Variants in SYNGR4 observed in about 807,000 individuals in gnomAD.
The protein encoded by SYNGR4 is synaptogyrin-4.
SYNGR4 carries 15 observed loss-of-function variants against 15.5 expected under a neutral mutation model. That is an observed-to-expected ratio of 0.97 (90% confidence interval 0.65 to 1.49). The LOEUF is 1.49. SYNGR4 is among the 40% of genes most tolerant of loss of function. The pLI is 0.00. For synonymous variants in SYNGR4, 121 were observed against 127.4 expected, an observed-to-expected ratio of 0.95 and a Z score of 0.34; for missense variants, 292 against 299.3, an observed-to-expected ratio of 0.98 and a Z score of 0.18.
At chr19:48,371,933 G>A (rs1970314413) in intron 2 of SYNGR4, among the ~76,000 whole-genome samples, 1 of 151,420 alleles carries the variant, frequency 6.6e-6, no homozygotes, top group Non-Finnish European at 1.5e-5. Flanking sequence ...CGGCTGGAGT[G>A]CAGTGGCATG....
At position 48,375,772 on chromosome 19, in the gene SYNGR4, C is replaced by A; in HGVS notation, c.471+20C>A. ...GTCTGGGTGAGGACAAGCCCCTCCA[C>A]CACCCCTCCCTAGGAGGGCACCCTC... On this transcript the variant is annotated intron_variant, in intron 4 of 4. Coordinates refer to ENST00000344846, the MANE Select transcript of SYNGR4 (RefSeq NM_012451.4). 6.2e-7 allele frequency: 1 copy of A among 1,605,422 alleles called. No individual in the cohort carries two copies. The highest frequency in any genetic ancestry group is 8.5e-7 in the Non-Finnish European group (1 of 1,173,510).
intron 2 of SYNGR4, chr19:48,373,154 G>C (rs1320200919): frequency 4.1e-6 from 1 of 244,094 alleles, no homozygotes; most frequent in Non-Finnish European, 8.2e-6. Context: ...CCAGGCTTCA[G>C]GGCTGGGACT....
chr19:48,365,968 G>A, intron 2 of SYNGR4, 33 bp downstream of exon 2: 1 of 1,609,290 alleles, frequency 6.2e-7, no homozygotes. Context: ...CTGTGCCCCT[G>A]GGTGACAGGA....
chr19:48,372,300 C>T (rs1334467534), intron 2 of SYNGR4, among the ~76,000 whole-genome samples: 1 of 152,098 alleles, frequency 6.6e-6, no homozygotes, highest in East Asian at 1.9e-4. Flanking sequence ...TAAGGATGAC[C>T]TGGGTGAGTG....
intron 2 of SYNGR4, among the ~76,000 whole-genome samples, chr19:48,371,158 A>G (rs1970298757): frequency 1.3e-5 from 2 of 152,102 alleles, no homozygotes; most frequent in African/African-American, 4.8e-5. Context: ...TTATCTCTGA[A>G]ACTGCCCGCT....
At chr19:48,370,482 CA>C (rs1294074791) in intron 2 of SYNGR4, among the ~76,000 whole-genome samples, 1 of 151,334 alleles carries the variant, frequency 6.6e-6, no homozygotes, top group East Asian at 1.9e-4. Flanking sequence ...GACACTGTCT[CA>C]AAAAAAGAAA....
chr19:48,375,784 A>G, intron 4 of SYNGR4, 32 bp downstream of exon 4: 1 of 1,600,348 alleles, frequency 6.2e-7, no homozygotes, highest in Non-Finnish European at 8.5e-7. Flanking sequence ...ACCCCTCCCT[A>G]GGAGGGCACC....
chr19:48,373,431 T>C, intron 2 of SYNGR4, 86 bp from the exon 3 acceptor site: 2 of 1,158,416 alleles, frequency 1.7e-6, no homozygotes, highest in Non-Finnish European at 2.5e-6. Context: ...TGACTGGGTA[T>C]ACGGAAAGAC....
rs776768339 is a variant in SYNGR4 at position 48,373,658 on chromosome 19, A to T, written c.235A>T (p.Ser79Cys). 5.6e-6 allele frequency: 9 copies of T among 1,613,734 alleles called. No individual in the cohort carries two copies. The Admixed American group carries it at 1.5e-4, about 27-fold the overall frequency. Residue 79 changes from serine to cysteine, a missense_variant, in exon 3 of 5, where the codon AGC becomes TGC. Coordinates refer to ENST00000344846, the MANE Select transcript of SYNGR4 (RefSeq NM_012451.4). ...GGGAGCCGGCTTCCTGGCCTTCCTC[A>T]GCTGCCTGGCCTTCCTCGTCCTGGA... ...AVGAGFLAFL[S>C]CLAFLVLDTQ...
At chr19:48,365,121 C>CT (rs1440115946) in intron 1 of SYNGR4, among the ~76,000 whole-genome samples, 1 of 150,948 alleles carries the variant, frequency 6.6e-6, no homozygotes, top group Non-Finnish European at 1.5e-5. Context: ...CCAGGGGACC[C>CT]TTAGCGACTC....
At chr19:48,371,013 A>G (rs1227809278) in intron 2 of SYNGR4, among the ~76,000 whole-genome samples, 1 of 152,014 alleles carries the variant, frequency 6.6e-6, no homozygotes, top group East Asian at 1.9e-4. Flanking sequence ...GAATCCTCCC[A>G]TGCATAATAT....
intron 2 of SYNGR4, among the ~76,000 whole-genome samples, chr19:48,368,021 T>C (rs558130838): frequency 6.6e-6 from 1 of 152,214 alleles, no homozygotes; most frequent in South Asian, 2.1e-4. Flanking sequence ...CTGCCCCTTC[T>C]AGAGCCTGAG....
At chr19:48,366,373 G>C (rs1427733907) in intron 2 of SYNGR4, among the ~76,000 whole-genome samples, 3 of 147,620 alleles carry the variant, frequency 2.0e-5, no homozygotes, top group Non-Finnish European at 4.5e-5. Context: ...CCAGGCAACA[G>C]AGCCAGACTC....
intron 3 of SYNGR4, among the ~76,000 whole-genome samples, 154 bp from the exon 4 acceptor site, chr19:48,375,459 G>T (rs949353710): frequency 9.2e-5 from 14 of 152,168 alleles, no homozygotes; most frequent in African/African-American, 3.4e-4. Context: ...ACTTGTGGGA[G>T]ATGTGTCAAC....
intron 2 of SYNGR4, among the ~76,000 whole-genome samples, chr19:48,366,389 CAAA>C (rs574008245): frequency 1.8e-5 from 2 of 109,792 alleles, no homozygotes; most frequent in Admixed American, 9.6e-5. Context: ...GACTCCATCT[CAAA>C]AAAAAAAAAA....
rs370952922 is a variant in SYNGR4, at chr19:48,373,433, C to A, written c.94-84C>A. ...CCAGACGGACCAGTGACTGGGTATACGGAAAGACCGACAGCACCAGGGAGG... is the reference window on the plus strand; with the variant it reads ...CCAGACGGACCAGTGACTGGGTATAAGGAAAGACCGACAGCACCAGGGAGG... On this transcript the variant is annotated intron_variant, in intron 2 of 4. Transcript: ENST00000344846. 1.1e-4 allele frequency: 134 copies of A among 1,205,184 alleles called. No individual in the cohort carries two copies. The South Asian group carries it at 1.6e-3, about 14-fold the overall frequency. 74.7% of individuals were successfully genotyped at this position (1,205,184 alleles called of 1,614,324 possible). A position where few individuals can be genotyped will look rare whatever the true frequency, so the allele number is the denominator to read the frequency against.
At chr19:48,374,901 G>A (rs987953162) in intron 3 of SYNGR4, among the ~76,000 whole-genome samples, 3 of 151,558 alleles carry the variant, frequency 2.0e-5, no homozygotes, top group Non-Finnish European at 4.4e-5. Context: ...GCTTGAACCC[G>A]GGAGGCAGAG....
In SYNGR4 at chr19:48,373,531, C is replaced by G; in HGVS notation, c.108C>G (p.Ile36Met). 6.2e-7 allele frequency: 1 copy of G among 1,613,592 alleles called. No homozygotes were observed. The highest frequency in any genetic ancestry group is 8.5e-7 in the Non-Finnish European group (1 of 1,179,928). The change falls in exon 3 of 5, where the codon ATC becomes ATG. Residue 36 changes from isoleucine (I) to methionine (M), a missense_variant. Ile to Met is a conservative substitution (Grantham distance 10). Transcript: ENST00000344846. ...GAAATCCACAGGTCTTCTCCCTGAT[C>G]GTCTTCTCCTCCCTGCTGACCGACG... ...TRVFEGVFSL[I>M]VFSSLLTDGY...
chr19:48,373,173 AG>A (rs1275373087), intron 2 of SYNGR4: 3 of 300,142 alleles, frequency 1.0e-5, no homozygotes, highest in South Asian at 3.9e-5. Flanking sequence ...CTCAGTCCTG[AG>A]GCACTGGGGA....
Sources: allele counts gnomAD v4.1 joint callset (sites outside exome capture counted in the v4.1 genomes callset), GRCh38; gene constraint gnomAD v4.1.1; transcripts MANE v1.5; gene names NCBI Gene and HGNC (gene_info 2026-07-23, HGNC 2026-07-21).